SLC45A2: variants seen among roughly 807,000 people sequenced by gnomAD.
SLC45A2 encodes the protein solute carrier family 45 member 2.
A neutral mutation model predicts 45.5 loss-of-function variants in SLC45A2; 36 were observed. The observed-to-expected ratio is 0.79, with a 90% CI of 0.61 to 1.04. The LOEUF is 1.04. SLC45A2 is among the 50% of genes least tolerant of loss of function. The probability of loss-of-function intolerance (pLI) is 0.00; values close to 1 mark genes in which losing one functional copy is unlikely to be tolerated. For synonymous variants in SLC45A2, 306 were observed against 269.3 expected, an observed-to-expected ratio of 1.14 and a Z score of -1.33; for missense variants, 719 against 671.0, an observed-to-expected ratio of 1.07 and a Z score of -0.79.
At chr5:33,961,534 A>T (rs566206592) in intron 3 of SLC45A2, among the ~76,000 whole-genome samples, 2 of 152,234 alleles carry the variant, frequency 1.3e-5, no homozygotes, top group Admixed American at 6.5e-5. Context: ...CAAAATCTCT[A>T]TTCAAATCCT....
intron 4 of SLC45A2, among the ~76,000 whole-genome samples, chr5:33,952,496 T>G (rs1004912448): frequency 6.6e-6 from 1 of 151,902 alleles, no homozygotes; most frequent in Non-Finnish European, 1.5e-5. Context: ...AAAAGTCATT[T>G]AAGAAATTAG....
intron 2 of SLC45A2, among the ~76,000 whole-genome samples, chr5:33,972,948 T>C (rs1320581582): frequency 1.3e-5 from 2 of 152,258 alleles, no homozygotes; most frequent in African/African-American, 4.8e-5. Context: ...TTTTGTGACT[T>C]ATTTTATATC....
chr5:33,948,313 A>G (rs994761872), intron 5 of SLC45A2, among the ~76,000 whole-genome samples: 1 of 152,228 alleles, frequency 6.6e-6, no homozygotes, highest in Admixed American at 6.5e-5. Context: ...ACATTTTACA[A>G]GGTTTTCTAC....
intron 6 of SLC45A2, chr5:33,946,293 T>C (rs1342431348): frequency 1.0e-6 from 1 of 985,372 alleles, no homozygotes; most frequent in Non-Finnish European, 1.2e-6. Context: ...TTACTCCTGG[T>C]GCACCTCTGC....
rs538203438 is a variant in SLC45A2 at position 33,958,946 on chromosome 5, A to C, written c.889-4442T>G. 1.2e-3 allele frequency among the ~76,000 whole-genome samples: 180 copies of C among 152,312 alleles called. 1 individual carries two copies. Among genetic ancestry groups the C allele is most frequent in the African/African-American group, 4.1e-3 (172 of 41,568 alleles). Reference sequence around the variant, plus strand: ...GGGACATCAAAGAGGTAGATAATCTATCAGGGTGTTATCTATTATCACGTA... The same window carrying C: ...GGGACATCAAAGAGGTAGATAATCTCTCAGGGTGTTATCTATTATCACGTA... On this transcript the variant is annotated intron_variant, in intron 3 of 6. Coordinates refer to ENST00000296589, the MANE Select transcript of SLC45A2 (RefSeq NM_016180.5).
At chr5:33,967,964 G>GT (rs1752650691) in intron 2 of SLC45A2, among the ~76,000 whole-genome samples, 1 of 146,002 alleles carries the variant, frequency 6.8e-6, no homozygotes, top group South Asian at 2.3e-4. Context: ...AGGGAAGGGG[G>GT]TAAAAAAAAA....
intron 4 of SLC45A2, among the ~76,000 whole-genome samples, chr5:33,953,043 A>G (rs1237230797): frequency 2.0e-5 from 2 of 102,366 alleles, no homozygotes; most frequent in Non-Finnish European, 2.0e-5. Context: ...TTATGGCTGC[A>G]TAGTATTCCA....
Position 33,965,214 on chromosome 5 carries a change from T to C in SLC45A2, c.563-1198A>G, listed in dbSNP as rs73077134. On this transcript the variant is annotated intron_variant, in intron 2 of 6. Coordinates refer to ENST00000296589, the MANE Select transcript of SLC45A2 (RefSeq NM_016180.5). The stretch of plus-strand genomic sequence containing the variant: ...AGATAAGGACAATATCTTCACAAGC[T>C]AGAGAATCAAGGAAGAAAATAGAAC... Among the ~76,000 whole-genome samples, 592 of 152,314 alleles carry C rather than the reference T, an allele frequency of 3.9e-3. 4 individuals carry two copies. The highest frequency in any genetic ancestry group is 0.014 in the African/African-American group (569 of 41,572).
chr5:33,970,954 A>C, intron 2 of SLC45A2: 9 of 464,568 alleles, frequency 1.9e-5, no homozygotes, highest in South Asian at 1.5e-4. Context: ...AGCTAAGGGA[A>C]CAATTCAAAG....
chr5:33,976,380 T>C (rs1202541882), intron 2 of SLC45A2, among the ~76,000 whole-genome samples: 2 of 152,218 alleles, frequency 1.3e-5, no homozygotes, highest in African/African-American at 4.8e-5. Context: ...AAGTTTATGG[T>C]GTAATGAGTA....
intron 2 of SLC45A2, among the ~76,000 whole-genome samples, chr5:33,969,049 C>CTT (rs1752693602): frequency 1.1e-5 from 1 of 89,680 alleles, no homozygotes; most frequent in Non-Finnish European, 2.5e-5. Context: ...CAGCTACTCT[C>CTT]TCTCTCTCTC....
chr5:33,964,438 G>A (rs1225096016), intron 2 of SLC45A2, among the ~76,000 whole-genome samples: 1 of 152,106 alleles, frequency 6.6e-6, no homozygotes, highest in Non-Finnish European at 1.5e-5. Context: ...AAGCCCCAAA[G>A]AAAACCAATT....
intron 3 of SLC45A2, among the ~76,000 whole-genome samples, chr5:33,962,351 T>C (rs1344702937): frequency 1.3e-5 from 2 of 152,228 alleles, no homozygotes; most frequent in Non-Finnish European, 2.9e-5. Flanking sequence ...AATGTATTGA[T>C]ATATTTATGT....
At chr5:33,983,759 C>T (rs926333163) in intron 1 of SLC45A2, among the ~76,000 whole-genome samples, 1 of 152,298 alleles carries the variant, frequency 6.6e-6, no homozygotes, top group Non-Finnish European at 1.5e-5. Flanking sequence ...AAACGCTCTA[C>T]ATAAAACTAT....
intron 2 of SLC45A2, 135 bp downstream of exon 2, chr5:33,982,101 C>G (rs1482065404): frequency 2.1e-6 from 2 of 941,582 alleles, no homozygotes; most frequent in Non-Finnish European, 3.4e-6. Flanking sequence ...GGAGACAGTG[C>G]CCGCATGACG....
intron 2 of SLC45A2, among the ~76,000 whole-genome samples, chr5:33,969,065 C>CTCTCTCTCTGTGTGTG: frequency 9.8e-6 from 1 of 102,464 alleles, no homozygotes; most frequent in Non-Finnish European, 2.0e-5. Flanking sequence ...CTCTCTCTCT[C>CTCTCTCTCTGTGTGTG]TGTGTGTGTG....
chr5:33,963,328 G>A (rs1317133639), intron 3 of SLC45A2, among the ~76,000 whole-genome samples: 3 of 152,132 alleles, frequency 2.0e-5, no homozygotes, highest in African/African-American at 4.8e-5. Context: ...ACCCAAGGAT[G>A]CTACCATTTG....
rs201449781 is a variant in SLC45A2 at position 33,982,374 on chromosome 5, T to C, written c.424A>G (p.Ile142Val). ...ANPRRKLVWA[I>V]SVTMIGVVLF... is the part of the protein sequence containing the mutation. ...ACGACACCTATCATGGTGACACTTATGGCCCAAACCAGCTTCCTCCTTGGG... is the reference window on the plus strand; with the variant it reads ...ACGACACCTATCATGGTGACACTTACGGCCCAAACCAGCTTCCTCCTTGGG... The change falls in exon 2 of 7, where the codon ATA (isoleucine) becomes GTA (valine). Residue 142 changes from isoleucine (I) to valine (V), a missense_variant. Physicochemically the swap from Ile to Val is conservative, Grantham distance 29. Coordinates refer to ENST00000296589, the MANE Select transcript of SLC45A2 (RefSeq NM_016180.5). The C allele has an allele frequency of 6.8e-6, 11 of 1,614,168 alleles. No individual in the cohort carries two copies. The highest frequency in any genetic ancestry group is 2.7e-5 in the African/African-American group (2 of 75,038).
chr5:33,974,330 CT>C (rs1752864719), intron 2 of SLC45A2, among the ~76,000 whole-genome samples: 2 of 152,148 alleles, frequency 1.3e-5, no homozygotes, highest in South Asian at 4.1e-4. Flanking sequence ...CCAGTACAGT[CT>C]TTTCTCTAGA....
Sources: allele counts gnomAD v4.1 joint callset (sites outside exome capture counted in the v4.1 genomes callset), GRCh38; gene constraint gnomAD v4.1.1; transcripts MANE v1.5; gene names NCBI Gene and HGNC (gene_info 2026-07-23, HGNC 2026-07-21).